PCDHGB3: variants seen among roughly 807,000 people sequenced by gnomAD.
PCDHGB3 encodes the protein protocadherin gamma subfamily B, 3, also known as protocadherin gamma-B3.
In PCDHGB3, 40 loss-of-function variants were observed where a neutral mutation model predicts 59.2. The ratio of observed to expected loss-of-function variants is 0.68; its 90% CI spans 0.52 to 0.88. The LOEUF is 0.88. PCDHGB3 is among the 40% of genes least tolerant of loss of function. The pLI, the probability that PCDHGB3 is intolerant of heterozygous loss-of-function variation, is 0.00. For missense variants in PCDHGB3, 1,309 were observed against 1,187.9 expected, an observed-to-expected ratio of 1.10 and a Z score of -1.50; for synonymous variants, 581 against 503.6, an observed-to-expected ratio of 1.15 and a Z score of -2.06.
intron 1 of PCDHGB3, chr5:141,379,317 C>T (rs914765409): frequency 1.3e-5 from 2 of 152,162 alleles, no homozygotes; most frequent in East Asian, 1.9e-4. Context: ...AACAAGAGAT[C>T]TAATCATACA....
rs2099883762 is a variant in PCDHGB3, at chr5:141,511,396, C to T, written c.*223C>T. 9.8e-7 allele frequency: 1 copy of T among 1,016,834 alleles called. No homozygotes were observed. Among genetic ancestry groups the T allele is most frequent in the South Asian group, 1.7e-5 (1 of 58,996 alleles). The allele number at this position is 1,016,834 out of a possible 1,614,324, so 63.0% of individuals were successfully genotyped here. ...AAGCAGTTCCGCTGGGAACCCCCAT[C>T]CAATCAACTGCTGTACCCATGGGGG... On this transcript the variant is annotated 3_prime_UTR_variant, in exon 4 of 4. Coordinates refer to ENST00000576222, the MANE Select transcript of PCDHGB3 (RefSeq NM_018924.5).
chr5:141,370,764 C>T lies in PCDHGB3; in HGVS notation c.370C>T (p.Gln124Ter), dbSNP rs2149970844. The change falls in exon 1 of 4, where the codon CAG becomes TAG. Residue 124 changes from glutamine (Q) to a stop codon, truncating the protein, a stop_gained. Coordinates refer to ENST00000576222, the MANE Select transcript of PCDHGB3 (RefSeq NM_018924.5). LOFTEE classifies it high-confidence loss of function. ...LNFFHVTVLIQDINDNPPTFS... is the reference protein window; with the variant it reads ...LNFFHVTVLI ...CTTTTTTCATGTAACTGTGCTGATC[C>T]AGGATATTAACGACAACCCACCGAC... 2 of 1,613,908 alleles carry T rather than the reference C, an allele frequency of 1.2e-6. No individual in the cohort carries two copies. The highest frequency in any genetic ancestry group is 1.7e-6 in the Non-Finnish European group (2 of 1,179,882).
At position 141,432,643 on chromosome 5, in the gene PCDHGB3, G is replaced by A. The variant is rs2097523971; in HGVS notation, c.2415+59834G>A. 15 of 1,613,754 alleles carry A rather than the reference G, an allele frequency of 9.3e-6. No homozygotes were observed. Among genetic ancestry groups the A allele is most frequent in the East Asian group, 4.5e-5 (2 of 44,860 alleles). ...GTCTGCACACGGGCGAGGTGCGCAC[G>A]GCGCGAGCCCTGCTGGACAGAGACG... On this transcript the variant is annotated intron_variant, in intron 1 of 3. Coordinates refer to ENST00000576222, the MANE Select transcript of PCDHGB3 (RefSeq NM_018924.5). This position sits in a 1 kb window ranked among gnomAD's most constrained non-coding sequence, Gnocchi z 6.0.
chr5:141,413,010 C>A, intron 1 of PCDHGB3: 1 of 640,210 alleles, frequency 1.6e-6, no homozygotes. Flanking sequence ...AGGGCTTCAA[C>A]TACACAAGCC....
At position 141,408,970 on chromosome 5, in the gene PCDHGB3, C is replaced by T. The variant is rs755949698; in HGVS notation, c.2415+36161C>T. The stretch of plus-strand genomic sequence containing the variant: ...GAATTAGTCTTAGTGAAAATCTGCC[C>T]CCTGGGTCCCCTGTGTTGCAAGTGA... On this transcript the variant is annotated intron_variant, in intron 1 of 3. Coordinates refer to ENST00000576222, the MANE Select transcript of PCDHGB3 (RefSeq NM_018924.5). 10 of 1,613,770 alleles carry T rather than the reference C, an allele frequency of 6.2e-6. No homozygotes were observed. The South Asian group carries it at 1.1e-4, about 18-fold the overall frequency.
At chr5:141,393,405 C>G (rs777100284) in intron 1 of PCDHGB3, 1 of 1,613,914 alleles carries the variant, frequency 6.2e-7, no homozygotes, top group Admixed American at 1.7e-5. Flanking sequence ...GGTGCTGGAG[C>G]GCGCCCTGGA....
intron 1 of PCDHGB3, among the ~76,000 whole-genome samples, chr5:141,464,019 C>A (rs1285414825): frequency 2.0e-5 from 3 of 151,984 alleles, no homozygotes; most frequent in African/African-American, 4.8e-5. Context: ...TAATCCCACA[C>A]TTTGGGAGGC....
rs1020143604 is a variant in PCDHGB3, at chr5:141,387,463, C to T, written c.2415+14654C>T. 8.8e-4 allele frequency among the ~76,000 whole-genome samples: 134 copies of T among 152,318 alleles called. 2 individuals are homozygous for T. Among genetic ancestry groups the T allele is most frequent in the East Asian group, 3.9e-4 (2 of 5,186 alleles). ...TAATCTACATGATTTGCCTAAAAAT[C>T]CTCAAAGTTGGGATGAAGGCATTCC... On this transcript the variant is annotated intron_variant, in intron 1 of 3. Transcript: ENST00000576222.
At position 141,485,240 on chromosome 5, in the gene PCDHGB3, C is replaced by G; in HGVS notation, c.2416-9567C>G. On this transcript the variant is annotated intron_variant, in intron 1 of 3. Coordinates refer to ENST00000576222, the MANE Select transcript of PCDHGB3 (RefSeq NM_018924.5). This position sits in a 1 kb window ranked among gnomAD's most constrained non-coding sequence, Gnocchi z 5.7. The stretch of plus-strand genomic sequence containing the variant: ...GGCTACCCTTTTGTTCCTCTTTTAC[C>G]ACCTGGGTTACGTTTGTGGGCAGAT... The G allele has an allele frequency of 6.2e-7, 1 of 1,614,174 alleles. No individual in the cohort carries two copies. The highest frequency in any genetic ancestry group is 8.5e-7 in the Non-Finnish European group (1 of 1,180,024).
At chr5:141,483,854 T>C (rs2154580004) in intron 1 of PCDHGB3, among the ~76,000 whole-genome samples, 1 of 152,236 alleles carries the variant, frequency 6.6e-6, no homozygotes, top group South Asian at 2.1e-4. Flanking sequence ...ATTAAGAAAT[T>C]TCATGTCCAG....
chr5:141,490,473 T>C lies in PCDHGB3; in HGVS notation c.2416-4334T>C. 6.2e-7 allele frequency: 1 copy of C among 1,614,228 alleles called. No homozygotes were observed. Among genetic ancestry groups the C allele is most frequent in the East Asian group, 2.2e-5 (1 of 44,878 alleles). On this transcript the variant is annotated intron_variant, in intron 1 of 3. Transcript: ENST00000576222. This position sits in a 1 kb window ranked among gnomAD's most constrained non-coding sequence, Gnocchi z 5.4. ...ACTACTCGCTGCTAACCAGCCAGCC[T>C]TTGGACCGGGAGGCCACATCCCACT...
Position 141,390,256 on chromosome 5 carries a change from A to G in PCDHGB3, c.2415+17447A>G, listed in dbSNP as rs2150415347. On this transcript the variant is annotated intron_variant, in intron 1 of 3. Coordinates refer to ENST00000576222, the MANE Select transcript of PCDHGB3 (RefSeq NM_018924.5). ...TCTGGGGCCTTATTTCCACTTTGTAATTCCAGTGAATTGACTTCCCATCAG... is the reference window on the plus strand; with the variant it reads ...TCTGGGGCCTTATTTCCACTTTGTAGTTCCAGTGAATTGACTTCCCATCAG... 6 of 1,614,022 alleles carry G rather than the reference A, an allele frequency of 3.7e-6. No homozygotes were observed. The East Asian group carries it at 1.3e-4, about 36-fold the overall frequency.
chr5:141,400,121 A>C lies in PCDHGB3; in HGVS notation c.2415+27312A>C. On this transcript the variant is annotated intron_variant, in intron 1 of 3. Coordinates refer to ENST00000576222, the MANE Select transcript of PCDHGB3 (RefSeq NM_018924.5). Reference sequence around the variant, plus strand: ...CACTTGGTCTTTGCTGACAGCTTGCAGGAGGTGCTGCCGGATATCACTGAC... The same window carrying C: ...CACTTGGTCTTTGCTGACAGCTTGCCGGAGGTGCTGCCGGATATCACTGAC... 1.2e-6 allele frequency: 2 copies of C among 1,614,054 alleles called. No individual in the cohort carries two copies. The highest frequency in any genetic ancestry group is 1.7e-6 in the Non-Finnish European group (2 of 1,179,890).
Position 141,476,443 on chromosome 5 carries a change from G to A in PCDHGB3, c.2416-18364G>A, listed in dbSNP as rs752285213. 1 of 1,614,044 alleles carries A rather than the reference G, an allele frequency of 6.2e-7. No individual in the cohort carries two copies. The highest frequency in any genetic ancestry group is 8.5e-7 in the Non-Finnish European group (1 of 1,180,038). ...TGCCCTCTTGCACTGTAACTCTGGAGTTGGTAGTGGAGAACCCGCTGGAGC... is the reference window on the plus strand; with the variant it reads ...TGCCCTCTTGCACTGTAACTCTGGAATTGGTAGTGGAGAACCCGCTGGAGC... On this transcript the variant is annotated intron_variant, in intron 1 of 3. Transcript: ENST00000576222. This position sits in a 1 kb window ranked among gnomAD's most constrained non-coding sequence, Gnocchi z 7.6.
At chr5:141,456,701 G>C (rs370086323) in intron 1 of PCDHGB3, among the ~76,000 whole-genome samples, 1 of 151,988 alleles carries the variant, frequency 6.6e-6, no homozygotes. Flanking sequence ...GTGGTGGCTC[G>C]CGCCTGTAAT....
intron 1 of PCDHGB3, chr5:141,427,884 G>T (rs1346875505): frequency 5.1e-6 from 8 of 1,564,634 alleles, no homozygotes; most frequent in African/African-American, 2.7e-5. Flanking sequence ...GCAGGCCCAC[G>T]ACCAGGGCTC....
In PCDHGB3 at chr5:141,400,299, A is replaced by G. The variant is rs374558900; in HGVS notation, c.2415+27490A>G. The G allele has an allele frequency of 9.8e-5, 158 of 1,613,834 alleles. 1 individual carries two copies. In the East Asian group the frequency reaches 1.2e-3, roughly 12 times the overall value. ...GCCCTGCCGCCTGGAGCTGCTTCCAACCTGGTCTCTGTGTCAAGTCTGGAC... is the reference window on the plus strand; with the variant it reads ...GCCCTGCCGCCTGGAGCTGCTTCCAGCCTGGTCTCTGTGTCAAGTCTGGAC... On this transcript the variant is annotated intron_variant, in intron 1 of 3. Coordinates refer to ENST00000576222, the MANE Select transcript of PCDHGB3 (RefSeq NM_018924.5).
intron 1 of PCDHGB3, among the ~76,000 whole-genome samples, chr5:141,381,247 GA>G (rs1777085183): frequency 6.6e-6 from 1 of 152,240 alleles, no homozygotes; most frequent in Non-Finnish European, 1.5e-5. Flanking sequence ...CCAGGACCTA[GA>G]AGAATTTACA....
At chr5:141,481,838 T>G (rs1297962011) in intron 1 of PCDHGB3, among the ~76,000 whole-genome samples, 2 of 150,868 alleles carry the variant, frequency 1.3e-5, no homozygotes, top group African/African-American at 4.9e-5. Flanking sequence ...GGAGAATCGC[T>G]TGATGGTGGA....
Sources: allele counts gnomAD v4.1 joint callset (sites outside exome capture counted in the v4.1 genomes callset), GRCh38; gene constraint gnomAD v4.1.1; non-coding constraint Gnocchi (gnomAD v3.1); transcripts MANE v1.5; gene names NCBI Gene and HGNC (gene_info 2026-07-23, HGNC 2026-07-21).